ERBB4: variants seen among roughly 807,000 people sequenced by gnomAD.
The protein encoded by ERBB4 is receptor tyrosine-protein kinase erbB-4.
A neutral mutation model predicts 158.0 loss-of-function variants in ERBB4; 42 were observed. That is an observed-to-expected ratio of 0.27 (90% CI 0.21 to 0.34). ERBB4 has a LOEUF of 0.34. ERBB4 is among the 10% of genes least tolerant of loss of function. The probability of loss-of-function intolerance (pLI) is 1.00; values close to 1 mark genes in which losing one functional copy is unlikely to be tolerated. For missense variants in ERBB4, 1,333 were observed against 1,624.1 expected (o/e 0.82, Z 3.08); for synonymous variants, 583 against 558.7 (o/e 1.04, Z -0.61).
chr2:211,462,703 C>T (rs2064567994), intron 20 of ERBB4, among the ~76,000 whole-genome samples: 1 of 152,128 alleles, frequency 6.6e-6, no homozygotes, highest in African/African-American at 2.4e-5. Flanking sequence ...TTCCCAAATG[C>T]TAATTGCAAT....
intron 3 of ERBB4, among the ~76,000 whole-genome samples, chr2:211,907,202 G>C (rs2079418744): frequency 6.6e-6 from 1 of 151,700 alleles, no homozygotes; most frequent in South Asian, 2.1e-4. Flanking sequence ...ATATTGACAA[G>C]GCAGCTGAAT....
intron 1 of ERBB4, among the ~76,000 whole-genome samples, chr2:212,340,428 A>G (rs969578988): frequency 1.3e-5 from 2 of 152,182 alleles, no homozygotes; most frequent in Non-Finnish European, 2.9e-5. Context: ...TGAAATCATT[A>G]TACAACTCAC....
chr2:211,611,948 A>T (rs2069216643), intron 19 of ERBB4, among the ~76,000 whole-genome samples: 1 of 152,098 alleles, frequency 6.6e-6, no homozygotes, highest in South Asian at 2.1e-4. Context: ...CATAGGAAAA[A>T]ATCTTCCAAG....
intron 22 of ERBB4, among the ~76,000 whole-genome samples, chr2:211,427,661 T>A (rs891165805): frequency 2.6e-5 from 4 of 152,178 alleles, no homozygotes; most frequent in African/African-American, 9.7e-5. Context: ...TTCTTTGTTA[T>A]GACAATAATC....
intron 1 of ERBB4, among the ~76,000 whole-genome samples, chr2:212,465,844 TACAA>T (rs1279645252): frequency 3.9e-5 from 6 of 152,200 alleles, no homozygotes; most frequent in African/African-American, 7.2e-5. Context: ...CCTAGTTTGC[TACAA>T]ACAAACTTCG....
intron 1 of ERBB4, among the ~76,000 whole-genome samples, chr2:212,382,493 A>G (rs1026057615): frequency 6.6e-6 from 1 of 150,844 alleles, no homozygotes; most frequent in Non-Finnish European, 1.5e-5. Flanking sequence ...TTGTCCTACT[A>G]TAAGTTCAGG....
Position 211,378,460 on chromosome 2 carries a change from AC to A in ERBB4, c.*5154del. ...CTGAAATTTCTATTATTTTAGAGAG[AC>A]TTTTAATGAAAAGAAAAAAGCAGCT... On this transcript the variant is annotated 3_prime_UTR_variant, in exon 28 of 28. Transcript: ENST00000342788. The A allele has an allele frequency of 4.3e-6, 1 of 232,786 alleles. No individual in the cohort carries two copies. Among genetic ancestry groups the A allele is most frequent in the East Asian group, 6.1e-5 (1 of 16,522 alleles). 14.4% of individuals were successfully genotyped at this position (232,786 alleles called of 1,614,324 possible).
rs146105183 is a variant in ERBB4, at chr2:211,523,302, C to G, written c.2487+38601G>C. 2.4e-4 allele frequency among the ~76,000 whole-genome samples: 36 copies of G among 148,250 alleles called. 3 individuals are homozygous for G. In the East Asian group the frequency reaches 7.3e-3, roughly 30 times the overall value. ...CAATGCAACCCCTCACACATCCCCC[C>G]ACAGCAGCTGCTTAGAAATCTATGT... On this transcript the variant is annotated intron_variant, in intron 20 of 27. Transcript: ENST00000342788.
chr2:211,468,479 A>G (rs2064751546), intron 20 of ERBB4, among the ~76,000 whole-genome samples: 1 of 152,180 alleles, frequency 6.6e-6, no homozygotes, highest in Non-Finnish European at 1.5e-5. Context: ...GATAGAGAAC[A>G]GCACCGTGCT....
intron 3 of ERBB4, among the ~76,000 whole-genome samples, chr2:211,935,421 G>A (rs2080293467): frequency 6.6e-6 from 1 of 152,036 alleles, no homozygotes; most frequent in Non-Finnish European, 1.5e-5. Context: ...CAAAAACAGA[G>A]GAAAGGTGAA....
At chr2:211,861,125 T>TATATATAA (rs1553648447) in intron 3 of ERBB4, among the ~76,000 whole-genome samples, 1 of 7,668 alleles carries the variant, frequency 1.3e-4, no homozygotes, top group Admixed American at 1.8e-3. Context: ...ATATATATTT[T>TATATATAA]ATATATATAT....
At chr2:212,080,516 AG>A (rs2078407143) in intron 2 of ERBB4, among the ~76,000 whole-genome samples, 1 of 151,724 alleles carries the variant, frequency 6.6e-6, no homozygotes, top group Non-Finnish European at 1.5e-5. Context: ...ATGTGTTTCT[AG>A]TGAAGACCAC....
intron 2 of ERBB4, among the ~76,000 whole-genome samples, chr2:212,004,320 A>C (rs919470431): frequency 1.3e-5 from 2 of 152,192 alleles, no homozygotes; most frequent in African/African-American, 2.4e-5. Context: ...GAAATAAACT[A>C]TCCATCACCA....
At chr2:211,475,666 A>G (rs1166037949) in intron 20 of ERBB4, among the ~76,000 whole-genome samples, 6 of 152,100 alleles carry the variant, frequency 3.9e-5, no homozygotes, top group African/African-American at 1.4e-4. Flanking sequence ...ATTGGGCACA[A>G]GAGGGCAGAA....
intron 5 of ERBB4, among the ~76,000 whole-genome samples, chr2:211,746,909 T>C (rs773715930): frequency 1.1e-4 from 17 of 151,764 alleles, no homozygotes; most frequent in Non-Finnish European, 1.8e-4. Flanking sequence ...GACAGCAGTG[T>C]AGCTGGACCT....
intron 3 of ERBB4, among the ~76,000 whole-genome samples, chr2:211,864,697 G>A (rs75923403): frequency 0.045 from 6,793 of 152,238 alleles, 265 homozygotes; most frequent in Middle Eastern, 0.068. Flanking sequence ...CAGGTGTGGT[G>A]GCTCACGCTT....
chr2:211,575,698 C>T lies in ERBB4; in HGVS notation c.2302-13610G>A, dbSNP rs571510631. 2.6e-5 allele frequency among the ~76,000 whole-genome samples: 4 copies of T among 152,146 alleles called. No homozygotes were observed. The South Asian group carries it at 6.2e-4, about 24-fold the overall frequency. ...TAAAGGAACTTAATAACAAGCAACT[C>T]GACAAAATTAGAAAAATGCTACCTT... On this transcript the variant is annotated intron_variant, in intron 19 of 27. Transcript: ENST00000342788.
chr2:212,119,970 C>T (rs374686671), intron 2 of ERBB4, among the ~76,000 whole-genome samples: 2 of 152,040 alleles, frequency 1.3e-5, no homozygotes, highest in African/African-American at 4.8e-5. Context: ...CTAGACAAGG[C>T]ATTTTAGTGT....
At chr2:212,491,023 T>A (rs1690248682) in intron 1 of ERBB4, among the ~76,000 whole-genome samples, 1 of 151,756 alleles carries the variant, frequency 6.6e-6, no homozygotes, top group South Asian at 2.1e-4. Context: ...ATGCTGTTAT[T>A]ACTATCTTTC....
Sources: gnomAD v4.1 joint callset for allele counts (sites outside exome capture counted in the v4.1 genomes callset) on GRCh38, gnomAD v4.1.1 for gene constraint, MANE v1.5 for transcripts, NCBI Gene and HGNC (gene_info 2026-07-23, HGNC 2026-07-21) for gene names.